The following GBE1 variants were observed in gnomAD, a reference collection of about 807,000 sequenced individuals.
The protein encoded by GBE1 is 1,4-alpha-glucan branching enzyme 1, also known as 1,4-alpha-glucan-branching enzyme.
GBE1 carries 70 observed loss-of-function variants against 88.8 expected under a neutral mutation model. That is an observed-to-expected ratio of 0.79 (90% CI 0.65 to 0.96). The LOEUF (loss-of-function observed/expected upper bound fraction) is 0.96. GBE1 is among the 40% of genes least tolerant of loss of function. The pLI, the probability that GBE1 is intolerant of heterozygous loss-of-function variation, is 0.00. For synonymous variants in GBE1, 284 were observed against 300.1 expected (o/e 0.95, Z 0.56); for missense variants, 872 against 871.0 (o/e 1.00, Z -0.01).
intron 1 of GBE1, among the ~76,000 whole-genome samples, chr3:81,737,237 G>A (rs939434120): frequency 1.4e-4 from 20 of 141,416 alleles, no homozygotes; most frequent in Admixed American, 1.1e-3. Context: ...TGAAGTAAAT[G>A]AATATTTATA....
intron 12 of GBE1, among the ~76,000 whole-genome samples, chr3:81,571,558 A>T (rs185634774): frequency 6.6e-6 from 1 of 152,342 alleles, no homozygotes; most frequent in African/African-American, 2.4e-5. Flanking sequence ...TATAAAAAGC[A>T]TTAAATTTCA....
At chr3:81,656,358 A>G (rs774591754) in intron 3 of GBE1, among the ~76,000 whole-genome samples, 1 of 152,186 alleles carries the variant, frequency 6.6e-6, no homozygotes, top group Non-Finnish European at 1.5e-5. Flanking sequence ...TGACGAGGAT[A>G]CTAGCGAAGG....
chr3:81,592,964 T>C (rs1392220776), intron 8 of GBE1, among the ~76,000 whole-genome samples: 4 of 152,188 alleles, frequency 2.6e-5, no homozygotes, highest in Non-Finnish European at 5.9e-5. Flanking sequence ...ATGTTTAGCT[T>C]CTTTCCTTGG....
At chr3:81,678,430 T>G (rs1705292736) in intron 2 of GBE1, among the ~76,000 whole-genome samples, 1 of 152,178 alleles carries the variant, frequency 6.6e-6, no homozygotes, top group Non-Finnish European at 1.5e-5. Flanking sequence ...AACTGTGGTT[T>G]TAAATAAAAG....
At chr3:81,527,184 T>C (rs1156326728) in intron 14 of GBE1, among the ~76,000 whole-genome samples, 1 of 152,140 alleles carries the variant, frequency 6.6e-6, no homozygotes, top group Non-Finnish European at 1.5e-5. Flanking sequence ...AAGGTGAAAC[T>C]AGATCCCTTC....
intron 2 of GBE1, among the ~76,000 whole-genome samples, chr3:81,686,833 C>G (rs561709468): frequency 6.6e-6 from 1 of 152,184 alleles, no homozygotes; most frequent in East Asian, 1.9e-4. Flanking sequence ...ATTATTAATG[C>G]CTTAGTATAA....
intron 2 of GBE1, among the ~76,000 whole-genome samples, chr3:81,682,253 AG>A (rs1202930819): frequency 6.6e-6 from 1 of 152,166 alleles, no homozygotes; most frequent in Non-Finnish European, 1.5e-5. Context: ...GCTTGAGGCC[AG>A]GAATTCAAGA....
At chr3:81,548,695 T>C (rs1703237891) in intron 12 of GBE1, among the ~76,000 whole-genome samples, 1 of 151,128 alleles carries the variant, frequency 6.6e-6, no homozygotes, top group Middle Eastern at 3.2e-3. Context: ...CTTTGATAGT[T>C]GCTCTTAAAT....
At chr3:81,625,456 T>C (rs1017962733) in intron 7 of GBE1, among the ~76,000 whole-genome samples, 1 of 152,096 alleles carries the variant, frequency 6.6e-6, no homozygotes, top group African/African-American at 2.4e-5. Flanking sequence ...TGTTTTTTTT[T>C]TAGACTGTGT....
At chr3:81,740,834 C>T (rs1301273464) in intron 1 of GBE1, among the ~76,000 whole-genome samples, 2 of 151,984 alleles carry the variant, frequency 1.3e-5, no homozygotes, top group Middle Eastern at 3.4e-3. Context: ...CCATCACAAA[C>T]ATTAAAAGCT....
chr3:81,512,943 T>C (rs1057462435), intron 14 of GBE1, among the ~76,000 whole-genome samples: 8 of 151,870 alleles, frequency 5.3e-5, no homozygotes, highest in African/African-American at 1.7e-4. Flanking sequence ...AGCTTATATA[T>C]ATCTTAACCC....
chr3:81,633,107 T>C (rs1704539796), intron 7 of GBE1, among the ~76,000 whole-genome samples: 2 of 152,312 alleles, frequency 1.3e-5, no homozygotes, highest in South Asian at 4.1e-4. Context: ...ATAAACATTA[T>C]GGCACATGGT....
chr3:81,676,555 C>T lies in GBE1; in HGVS notation c.314-5602G>A, dbSNP rs915625331. On this transcript the variant is annotated intron_variant, in intron 2 of 15. Coordinates refer to ENST00000429644, the MANE Select transcript of GBE1 (RefSeq NM_000158.4). Reference sequence around the variant, plus strand: ...AAAATAAAAATATAATGTATATAAACATAGTATTTGAACATCTCTTACTAA... The same window carrying T: ...AAAATAAAAATATAATGTATATAAATATAGTATTTGAACATCTCTTACTAA... Among the ~76,000 whole-genome samples, 107 of 152,006 alleles carry T rather than the reference C, an allele frequency of 7.0e-4. 2 individuals carry two copies. Among genetic ancestry groups the T allele is most frequent in the African/African-American group, 1.9e-3 (78 of 41,476 alleles).
In GBE1 at chr3:81,594,006, A is replaced by C. The variant is rs765204887; in HGVS notation, c.1010T>G (p.Phe337Cys). The C allele has an allele frequency of 6.5e-7, 1 of 1,538,464 alleles. No homozygotes were observed. Among genetic ancestry groups the C allele is most frequent in the Non-Finnish European group, 8.9e-7 (1 of 1,126,300 alleles). ...FAYSSWEILR[F>C]LLSNIRWWLE... ...CCACCATCTTATGTTTGACAGAAGG[A>C]ATCTTAAAATTTCCCAGCTAAAATA... The change falls in exon 8 of 16, where the codon TTC becomes TGC. Residue 337 changes from phenylalanine (F) to cysteine (C), a missense_variant. Physicochemically the swap from Phe to Cys is radical, Grantham distance 205. Transcript: ENST00000429644.
chr3:81,721,585 A>G (rs1411317208), intron 1 of GBE1, among the ~76,000 whole-genome samples: 1 of 152,194 alleles, frequency 6.6e-6, no homozygotes, highest in Non-Finnish European at 1.5e-5. Context: ...AAACTGCTCA[A>G]ATGGTATATA....
At chr3:81,612,220 T>TAAAAAAAAAA (rs11404629) in intron 7 of GBE1, 15 of 240,390 alleles carry the variant, frequency 6.2e-5, no homozygotes, top group South Asian at 1.3e-4. Context: ...CACGCTCCTT[T>TAAAAAAAAAA]AAAAAAAAAA....
At chr3:81,660,810 T>C (rs1236501010) in intron 3 of GBE1, among the ~76,000 whole-genome samples, 1 of 152,152 alleles carries the variant, frequency 6.6e-6, no homozygotes, top group Admixed American at 6.5e-5. Flanking sequence ...TGATATTCAA[T>C]AAAAGAACCC....
chr3:81,750,529 ATATATATACGTATATATATATG>A (rs1706482723), intron 1 of GBE1, among the ~76,000 whole-genome samples: 1 of 80,514 alleles, frequency 1.2e-5, no homozygotes, highest in Admixed American at 1.3e-4. Context: ...ACATTCATAT[ATATATATACGTATATATATATG>A]TATATATATA....
intron 1 of GBE1, among the ~76,000 whole-genome samples, chr3:81,713,929 ACT>A (rs1705905973): frequency 6.6e-6 from 1 of 152,178 alleles, no homozygotes; most frequent in Admixed American, 6.5e-5. Context: ...TATGCTAGTC[ACT>A]GAGAATATAG....
Sources: gnomAD v4.1 joint callset for allele counts (sites outside exome capture counted in the v4.1 genomes callset) on GRCh38, gnomAD v4.1.1 for gene constraint, MANE v1.5 for transcripts, NCBI Gene and HGNC (gene_info 2026-07-23, HGNC 2026-07-21) for gene names.